Variants in MTUS2 observed in about 807,000 individuals in gnomAD.
MTUS2 encodes the protein microtubule-associated tumor suppressor candidate 2.
A neutral mutation model predicts 114.1 loss-of-function variants in MTUS2; 40 were observed. That is an observed-to-expected ratio of 0.35 (90% CI 0.27 to 0.46). MTUS2 has a LOEUF of 0.46. Ranked by LOEUF, MTUS2 falls within the 20% of genes least tolerant of loss-of-function variation. MTUS2 has a pLI of 1.00. For synonymous variants in MTUS2, 688 were observed against 672.0 expected, an observed-to-expected ratio of 1.02 and a Z score of -0.37; for missense variants, 1,679 against 1,705.4, an observed-to-expected ratio of 0.98 and a Z score of 0.27.
At chr13:28,952,149 G>A (rs973997218) in intron 2 of MTUS2, among the ~76,000 whole-genome samples, 2 of 152,012 alleles carry the variant, frequency 1.3e-5, no homozygotes, top group African/African-American at 2.4e-5. Context: ...TTTTAGTTAC[G>A]GAAGTAATAT....
intron 8 of MTUS2, among the ~76,000 whole-genome samples, chr13:29,380,499 T>C (rs192458439): frequency 2.4e-4 from 36 of 152,216 alleles, no homozygotes; most frequent in African/African-American, 7.7e-4. Context: ...GCATAACCAG[T>C]GAGTCGTGAT....
At chr13:29,227,537 T>C (rs1479537182) in intron 5 of MTUS2, among the ~76,000 whole-genome samples, 1 of 152,216 alleles carries the variant, frequency 6.6e-6, no homozygotes, top group East Asian at 1.9e-4. Flanking sequence ...CTCTTGAATT[T>C]GCTTCTAAGA....
At chr13:29,434,662 C>T (rs1294210775) in intron 8 of MTUS2, among the ~76,000 whole-genome samples, 1 of 152,154 alleles carries the variant, frequency 6.6e-6, no homozygotes, top group African/African-American at 2.4e-5. Context: ...GAGAATCACA[C>T]GGATGATGCT....
At chr13:29,005,288 G>A (rs1484859578) in intron 2 of MTUS2, among the ~76,000 whole-genome samples, 1 of 152,146 alleles carries the variant, frequency 6.6e-6, no homozygotes, top group Non-Finnish European at 1.5e-5. Flanking sequence ...GAGGGGCTTG[G>A]GAGTTCTTAG....
At chr13:29,216,521 T>A (rs780840677) in intron 5 of MTUS2, among the ~76,000 whole-genome samples, 24 of 152,242 alleles carry the variant, frequency 1.6e-4, no homozygotes, top group Non-Finnish European at 3.1e-4. Flanking sequence ...CATGAGGGAA[T>A]CTCCTGGTCT....
intron 2 of MTUS2, among the ~76,000 whole-genome samples, chr13:28,852,207 C>T (rs1224914976): frequency 6.6e-6 from 1 of 152,144 alleles, no homozygotes; most frequent in Non-Finnish European, 1.5e-5. Flanking sequence ...ATCTGGTGCC[C>T]CTCTGTGTTC....
rs375213030 is a variant in MTUS2 at position 29,026,188 on chromosome 13, G to A, written c.1490G>A (p.Arg497Gln). 6.8e-5 allele frequency: 110 copies of A among 1,613,828 alleles called. No individual in the cohort carries two copies. Among genetic ancestry groups the A allele is most frequent in the East Asian group, 1.6e-4 (7 of 44,894 alleles). The change falls in exon 3 of 16, where the codon CGG (arginine) becomes CAG (glutamine). Residue 497 changes from arginine (R) to glutamine (Q), a missense_variant. This residue lies in a region of MTUS2 where 843 missense variants were observed against 770.8 expected (regional missense o/e 1.09). Coordinates refer to ENST00000612955, the MANE Select transcript of MTUS2 (RefSeq NM_001033602.4). ...CCTCAAAGTGGCCGCTCAGAAGCAC[G>A]GGAAAGCAAAGAGGTCACCACATCT... ...LDPQSGRSEA[R>Q]ESKEVTTSVA... is the part of the protein sequence containing the mutation.
intron 6 of MTUS2, among the ~76,000 whole-genome samples, chr13:29,312,166 G>T (rs879832459): frequency 1.2e-4 from 18 of 152,126 alleles, no homozygotes; most frequent in South Asian, 2.1e-4. Context: ...CCTCCTCCAT[G>T]CTCCCAGAGA....
At chr13:29,333,332 G>A (rs192732168) in intron 7 of MTUS2, among the ~76,000 whole-genome samples, 1 of 152,206 alleles carries the variant, frequency 6.6e-6, no homozygotes, top group African/African-American at 2.4e-5. Flanking sequence ...CAAGTAGTGG[G>A]GATTATAGGC....
chr13:29,292,605 A>G (rs1458591451), intron 6 of MTUS2, among the ~76,000 whole-genome samples: 2 of 152,222 alleles, frequency 1.3e-5, no homozygotes, highest in Non-Finnish European at 2.9e-5. Flanking sequence ...TCACGGTACG[A>G]TGGATTAAGA....
chr13:29,197,947 A>G (rs1047469102), intron 5 of MTUS2, among the ~76,000 whole-genome samples: 1 of 152,208 alleles, frequency 6.6e-6, no homozygotes, highest in Non-Finnish European at 1.5e-5. Flanking sequence ...GATTCTGGAT[A>G]TTAGCCCTTT....
intron 2 of MTUS2, among the ~76,000 whole-genome samples, chr13:28,966,983 A>G (rs187717253): frequency 2.6e-5 from 4 of 152,328 alleles, no homozygotes; most frequent in Non-Finnish European, 5.9e-5. Context: ...ATGTGAGTAT[A>G]TCCTGACCAC....
chr13:29,185,242 A>G (rs1894173666), intron 5 of MTUS2, among the ~76,000 whole-genome samples: 1 of 152,108 alleles, frequency 6.6e-6, no homozygotes, highest in South Asian at 2.1e-4. Flanking sequence ...GAAAAAACGC[A>G]AAGAAGAATG....
intron 4 of MTUS2, among the ~76,000 whole-genome samples, chr13:29,082,976 G>A (rs879463660): frequency 1.3e-5 from 2 of 152,012 alleles, no homozygotes; most frequent in East Asian, 1.9e-4. Flanking sequence ...TTCTAGAGGC[G>A]GTTGTTGGAG....
chr13:29,047,840 G>A (rs548381373), intron 4 of MTUS2, among the ~76,000 whole-genome samples: 1 of 152,268 alleles, frequency 6.6e-6, no homozygotes, highest in East Asian at 1.9e-4. Flanking sequence ...GTACATTTCA[G>A]TGATCCCTGG....
intron 8 of MTUS2, among the ~76,000 whole-genome samples, chr13:29,406,161 G>A (rs777391058): frequency 4.6e-5 from 7 of 152,058 alleles, no homozygotes; most frequent in African/African-American, 9.7e-5. Flanking sequence ...TCCTGTGACC[G>A]TCCCTTACAA....
chr13:28,890,693 T>C (rs1878867625), intron 2 of MTUS2, among the ~76,000 whole-genome samples: 1 of 152,210 alleles, frequency 6.6e-6, no homozygotes, highest in Non-Finnish European at 1.5e-5. Flanking sequence ...ATTTTATTAG[T>C]GGGATATTTT....
intron 5 of MTUS2, among the ~76,000 whole-genome samples, chr13:29,252,948 T>G (rs1210572173): frequency 2.0e-5 from 3 of 152,156 alleles, no homozygotes; most frequent in East Asian, 3.9e-4. Context: ...CGGTATGTCT[T>G]TATCAGCAGC....
At chr13:29,044,470 A>G (rs554616009) in intron 4 of MTUS2, among the ~76,000 whole-genome samples, 17 of 151,922 alleles carry the variant, frequency 1.1e-4, no homozygotes, top group Non-Finnish European at 1.8e-4. Flanking sequence ...TCTGTTTTAT[A>G]TGGTTTTCAT....
Sources: gnomAD v4.1 joint callset for allele counts (sites outside exome capture counted in the v4.1 genomes callset) on GRCh38, gnomAD v4.1.1 for gene constraint, gnomAD v4.1.1 regional missense constraint, MANE v1.5 for transcripts, NCBI Gene and HGNC (gene_info 2026-07-23, HGNC 2026-07-21) for gene names.